The following GMDS variants were observed in gnomAD, a reference collection of about 807,000 sequenced individuals.
GMDS encodes the protein GDP-mannose 4,6-dehydratase.
In GMDS, 20 loss-of-function variants were observed where a neutral mutation model predicts 49.9. The ratio of observed to expected loss-of-function variants is 0.40; its 90% CI spans 0.28 to 0.58. GMDS has a LOEUF of 0.58. GMDS is among the 20% of genes least tolerant of loss of function. GMDS has a pLI of 0.42. For missense variants in GMDS, 362 were observed against 481.4 expected (o/e 0.75, Z 2.32); for synonymous variants, 177 against 178.6 (o/e 0.99, Z 0.07).
At chr6:1,819,356 C>T (rs375678530) in intron 7 of GMDS, among the ~76,000 whole-genome samples, 1 of 152,090 alleles carries the variant, frequency 6.6e-6, no homozygotes, top group African/African-American at 2.4e-5. Context: ...TGTTTTTATT[C>T]GACGGATTCA....
rs989928420 is a variant in GMDS, at chr6:2,191,048, G to A, written c.102+54273C>T. Among the ~76,000 whole-genome samples the A allele has an allele frequency of 1.5e-4, 23 of 152,094 alleles. No homozygotes were observed. Among genetic ancestry groups the A allele is most frequent in the Non-Finnish European group, 3.1e-4 (21 of 67,982 alleles). On this transcript the variant is annotated intron_variant, in intron 1 of 10. Coordinates refer to ENST00000380815, the MANE Select transcript of GMDS (RefSeq NM_001500.4). The surrounding 1 kb of genome is among the most constrained non-coding windows in gnomAD (Gnocchi z 4.6). Reference sequence around the variant, plus strand: ...ACTGGGGGACCCAGGGCGGGAGGGGGAAATGGGAGCAGTGCCCACTACAGG... The same window carrying A: ...ACTGGGGGACCCAGGGCGGGAGGGGAAAATGGGAGCAGTGCCCACTACAGG...
chr6:1,905,904 G>GGCCTC (rs1390175159), intron 7 of GMDS, among the ~76,000 whole-genome samples: 7 of 73,104 alleles, frequency 9.6e-5, no homozygotes, highest in Non-Finnish European at 1.2e-4. Flanking sequence ...GGCCATCTGG[G>GGCCTC]AACACGTATG....
intron 2 of GMDS, among the ~76,000 whole-genome samples, chr6:2,120,338 T>G (rs1010782438): frequency 2.6e-5 from 4 of 152,084 alleles, no homozygotes; most frequent in Non-Finnish European, 5.9e-5. Flanking sequence ...CCATAAAAGC[T>G]TAGCCTTTTT....
At chr6:1,749,468 C>G (rs1425672955) in intron 7 of GMDS, among the ~76,000 whole-genome samples, 1 of 152,030 alleles carries the variant, frequency 6.6e-6, no homozygotes, top group Non-Finnish European at 1.5e-5. Context: ...GCGGGGGCAC[C>G]TGTAATCCCA....
At chr6:2,049,143 T>G (rs1176898331) in intron 4 of GMDS, among the ~76,000 whole-genome samples, 1 of 152,216 alleles carries the variant, frequency 6.6e-6, no homozygotes, top group Non-Finnish European at 1.5e-5. Context: ...AAGTAAAAAC[T>G]TCTGTTGTTG....
At chr6:1,965,650 C>T (rs1467418592) in intron 4 of GMDS, among the ~76,000 whole-genome samples, 2 of 151,876 alleles carry the variant, frequency 1.3e-5, no homozygotes, top group African/African-American at 2.4e-5. Flanking sequence ...CAGCAAGGTC[C>T]TATGTCTACA....
At chr6:2,100,977 T>G (rs1312906384) in intron 4 of GMDS, among the ~76,000 whole-genome samples, 1 of 152,022 alleles carries the variant, frequency 6.6e-6, no homozygotes, top group Non-Finnish European at 1.5e-5. Flanking sequence ...CTCTGTTAAC[T>G]TCTATGTTAT....
intron 1 of GMDS, among the ~76,000 whole-genome samples, chr6:2,212,750 T>C (rs957877639): frequency 1.3e-5 from 2 of 150,740 alleles, no homozygotes; most frequent in Admixed American, 6.6e-5. Flanking sequence ...AACATTGAGC[T>C]TACTACTTGA....
At position 1,959,887 on chromosome 6, in the gene GMDS, T is replaced by C. The variant is rs1561924540; in HGVS notation, c.623A>G (p.Asn208Ser). ...CTGACCTCTTCTGGGACTCTCATGA[T>C]TGAAGAGAATGCCGTTCACTGCAAA... ...NLFAVNGILFNHESPRRGANF... is the reference protein window; with the variant it reads ...NLFAVNGILFSHESPRRGANF... The change falls in exon 6 of 11, where the codon AAT becomes AGT. Residue 208 changes from asparagine to serine, a missense_variant. Transcript: ENST00000380815. 1 of 1,600,278 alleles carries C rather than the reference T, an allele frequency of 6.2e-7. No homozygotes were observed. Among genetic ancestry groups the C allele is most frequent in the Non-Finnish European group, 8.5e-7 (1 of 1,169,790 alleles).
At chr6:1,744,617 G>C (rs1232661557) in intron 7 of GMDS, among the ~76,000 whole-genome samples, 1 of 152,136 alleles carries the variant, frequency 6.6e-6, no homozygotes, top group Non-Finnish European at 1.5e-5. Flanking sequence ...AATGAGATCT[G>C]AAGTACAGCC....
At chr6:2,125,498 G>A (rs1479173923) in intron 1 of GMDS, among the ~76,000 whole-genome samples, 1 of 152,132 alleles carries the variant, frequency 6.6e-6, no homozygotes. Flanking sequence ...GGAAGCTGAG[G>A]TGGGAGGATC....
chr6:1,802,989 ATAGCTGCGCTGATAAGGAGG>A (rs1188972715), intron 7 of GMDS, among the ~76,000 whole-genome samples: 2 of 152,352 alleles, frequency 1.3e-5, no homozygotes, highest in East Asian at 3.9e-4. Flanking sequence ...ACAATATTTA[ATAGCTGCGCTGATAAGGAGG>A]TTTAAAAAAA....
At chr6:1,826,337 G>A (rs1489373959) in intron 7 of GMDS, among the ~76,000 whole-genome samples, 1 of 152,140 alleles carries the variant, frequency 6.6e-6, no homozygotes, top group East Asian at 1.9e-4. Context: ...TCATTATGTG[G>A]TGCACGACTA....
At position 2,031,055 on chromosome 6, in the gene GMDS, G is replaced by A. The variant is rs541149148; in HGVS notation, c.346-70089C>T. Among the ~76,000 whole-genome samples the A allele has an allele frequency of 6.6e-5, 10 of 152,260 alleles. No homozygotes were observed. The South Asian group carries it at 1.7e-3, about 25-fold the overall frequency. On this transcript the variant is annotated intron_variant, in intron 4 of 10. Coordinates refer to ENST00000380815, the MANE Select transcript of GMDS (RefSeq NM_001500.4). ...CATGTAGTATAAATACATAAAGCAG[G>A]CCAGGTGCAGCTACGGTAAACTCAA...
chr6:1,888,521 G>C (rs539606832), intron 7 of GMDS, among the ~76,000 whole-genome samples: 1 of 152,056 alleles, frequency 6.6e-6, no homozygotes, highest in East Asian at 1.9e-4. Context: ...TCTCTTACAC[G>C]AGGGGATTAT....
chr6:2,113,420 G>A (rs976223991), intron 4 of GMDS, among the ~76,000 whole-genome samples: 2 of 151,380 alleles, frequency 1.3e-5, no homozygotes, highest in African/African-American at 4.9e-5. Context: ...ATGGGTAGCT[G>A]CCCAGGCACA....
intron 4 of GMDS, among the ~76,000 whole-genome samples, chr6:2,005,729 C>G (rs1479320178): frequency 6.6e-6 from 1 of 152,186 alleles, no homozygotes; most frequent in Non-Finnish European, 1.5e-5. Flanking sequence ...GCACACACCT[C>G]AGATATCCAA....
At chr6:1,984,747 G>A (rs1765440582) in intron 4 of GMDS, among the ~76,000 whole-genome samples, 1 of 152,312 alleles carries the variant, frequency 6.6e-6, no homozygotes. Context: ...GGCTCCCAGA[G>A]CTTTCGGGTG....
chr6:1,631,599 T>A (rs1173190464), intron 9 of GMDS, among the ~76,000 whole-genome samples: 1 of 152,086 alleles, frequency 6.6e-6, no homozygotes, highest in Non-Finnish European at 1.5e-5. Context: ...TACAGTATAT[T>A]AAGTCCTCCA....
Sources: allele counts gnomAD v4.1 joint callset (sites outside exome capture counted in the v4.1 genomes callset), GRCh38; gene constraint gnomAD v4.1.1; non-coding constraint Gnocchi (gnomAD v3.1); transcripts MANE v1.5; gene names NCBI Gene and HGNC (gene_info 2026-07-23, HGNC 2026-07-21).